The following SECTM1 variants were observed in gnomAD, a reference collection of about 807,000 sequenced individuals.
SECTM1 encodes secreted and transmembrane protein 1.
A neutral mutation model predicts 18.1 loss-of-function variants in SECTM1; 10 were observed. That is an observed-to-expected ratio of 0.55 (90% CI 0.34 to 0.94). The LOEUF (loss-of-function observed/expected upper bound fraction) is 0.94, where lower values mean the gene tolerates loss of function less well. SECTM1 is among the 40% of genes least tolerant of loss of function. SECTM1 has a pLI of 0.02. For missense variants in SECTM1, 297 were observed against 322.6 expected, an observed-to-expected ratio of 0.92 and a Z score of 0.61; for synonymous variants, 137 against 139.2, an observed-to-expected ratio of 0.98 and a Z score of 0.11.
At position 82,322,197 on chromosome 17, in the gene SECTM1, G is replaced by T. The variant is rs774758774; in HGVS notation, c.711C>A (p.Ser237=). 1 of 1,613,556 alleles carries T rather than the reference G, an allele frequency of 6.2e-7. No individual in the cohort carries two copies. The highest frequency in any genetic ancestry group is 1.3e-5 in the African/African-American group (1 of 75,018). ...PSPLGALELL[S]PQPLFPYAAD... ...CGGCATATGGAAACAAGGGTTGGGG[G>T]GACAGCAGCTCCAGGGCTCCAAGTG... Residue 237 remains serine (S), a synonymous_variant, in exon 5 of 5, where the codon TCC becomes TCA. Coordinates refer to ENST00000269389, the MANE Select transcript of SECTM1 (RefSeq NM_003004.3).
In SECTM1 at chr17:82,322,908, G is replaced by C; in HGVS notation, c.507C>G (p.Tyr169Ter). 6.2e-7 allele frequency: 1 copy of C among 1,613,874 alleles called. No individual in the cohort carries two copies. Among genetic ancestry groups the C allele is most frequent in the Non-Finnish European group, 8.5e-7 (1 of 1,179,986 alleles). The stretch of plus-strand genomic sequence containing the variant: ...GGCGTTGCTGGGAACAGCGGCACCT[G>C]TACCAGGCGAACATGACCAGAGCGA... ...LLVALVMFAW[Y>*]RCRCSQQRRE... Residue 169 changes from tyrosine (Y) to a stop codon, truncating the protein, a stop_gained, in exon 4 of 5, where the codon TAC (tyrosine) becomes TAG (stop). Coordinates refer to ENST00000269389, the MANE Select transcript of SECTM1 (RefSeq NM_003004.3). LOFTEE classifies it low-confidence loss of function (END_TRUNC).
At chr17:82,327,102 C>A (rs377469381) in intron 2 of SECTM1, 45 bp downstream of exon 2, 3 of 1,481,472 alleles carry the variant, frequency 2.0e-6, no homozygotes, top group South Asian at 2.4e-5. Flanking sequence ...ATGCCCCCAC[C>A]GGGCCCCCCT....
rs778753921 is a variant in SECTM1 at position 82,327,426 on chromosome 17, G to T, written c.-52-134C>A. The T allele has an allele frequency of 1.5e-3, 852 of 586,868 alleles. 7 individuals carry two copies. Among genetic ancestry groups the T allele is most frequent in the Non-Finnish European group, 1.9e-3 (618 of 325,936 alleles). 36.4% of individuals were successfully genotyped at this position (586,868 alleles called of 1,614,324 possible). A position where few individuals can be genotyped will look rare whatever the true frequency, so the allele number is the denominator to read the frequency against. ...TCCCCGACCTGCTCTGGATGCTGGAGCCCCTGCCCTCCTTCCCTTCCCTGT... is the reference window on the plus strand; with the variant it reads ...TCCCCGACCTGCTCTGGATGCTGGATCCCCTGCCCTCCTTCCCTTCCCTGT... On this transcript the variant is annotated intron_variant, in intron 1 of 4. Transcript: ENST00000269389.
In SECTM1 at chr17:82,324,779, C is replaced by T. The variant is rs760175466; in HGVS notation, c.206G>A (p.Arg69His). ...GATGGCGCTCTCCTGCCCGTGGGCA[C>T]GCAGCTTGATGTTGACATGGGAGAA... ...NAFSHVNIKL[R>H]AHGQESAIFN... The change falls in exon 3 of 5, where the codon CGT becomes CAT. Residue 69 changes from arginine (R) to histidine (H), a missense_variant. Coordinates refer to ENST00000269389, the MANE Select transcript of SECTM1 (RefSeq NM_003004.3). 1.4e-5 allele frequency: 22 copies of T among 1,614,034 alleles called. No individual in the cohort carries two copies. Among genetic ancestry groups the T allele is most frequent in the Non-Finnish European group, 7.6e-6 (9 of 1,180,040 alleles).
intron 3 of SECTM1, among the ~76,000 whole-genome samples, chr17:82,323,744 T>A (rs1241177530): frequency 6.6e-6 from 1 of 150,750 alleles, no homozygotes; most frequent in African/African-American, 2.4e-5. Flanking sequence ...GGGCCCTGAG[T>A]CGGGGGAGAA....
At chr17:82,322,674 G>C (rs1194524361) in intron 4 of SECTM1, among the ~76,000 whole-genome samples, 2 of 152,172 alleles carry the variant, frequency 1.3e-5, no homozygotes, top group Non-Finnish European at 2.9e-5. Flanking sequence ...GGAAGGGCAG[G>C]GCGGGTCTGG....
In SECTM1 at chr17:82,329,527, G is replaced by C. The variant is rs1022475884; in HGVS notation, c.-52-2235C>G. 3.3e-5 allele frequency: 5 copies of C among 152,644 alleles called. No individual in the cohort carries two copies. The highest frequency in any genetic ancestry group is 5.8e-5 in the Non-Finnish European group (4 of 68,428). 9.5% of individuals were successfully genotyped at this position (152,644 alleles called of 1,614,324 possible). A position where few individuals can be genotyped will look rare whatever the true frequency, so the allele number is the denominator to read the frequency against. On this transcript the variant is annotated intron_variant, in intron 1 of 4. Transcript: ENST00000269389. This position sits in a 1 kb window ranked among gnomAD's most constrained non-coding sequence, Gnocchi z 7.6. Reference sequence around the variant, plus strand: ...GTGCAAGGGGAGGGAACCCACACCTGAGACCTTTTGTGGCCCCTCACTAAC... The same window carrying C: ...GTGCAAGGGGAGGGAACCCACACCTCAGACCTTTTGTGGCCCCTCACTAAC...
At position 82,322,153 on chromosome 17, in the gene SECTM1, G is replaced by A; in HGVS notation, c.*8C>T. Reference sequence around the variant, plus strand: ...GGCTCTCCTGTGTCCTCTCTGCCTTGCAGGCGGCTATGGGTCTGCGGCATA... The same window carrying A: ...GGCTCTCCTGTGTCCTCTCTGCCTTACAGGCGGCTATGGGTCTGCGGCATA... On this transcript the variant is annotated 3_prime_UTR_variant, in exon 5 of 5. Transcript: ENST00000269389. The A allele has an allele frequency of 6.2e-7, 1 of 1,613,544 alleles. No individual in the cohort carries two copies. Among genetic ancestry groups the A allele is most frequent in the Non-Finnish European group, 8.5e-7 (1 of 1,179,654 alleles).
intron 3 of SECTM1, 90 bp from the exon 4 acceptor site, chr17:82,323,101 A>C: frequency 7.1e-7 from 1 of 1,401,752 alleles, no homozygotes; most frequent in African/African-American, 1.4e-5. Context: ...CTCCTCCTAC[A>C]CACTCCCTGG....
At position 82,329,634 on chromosome 17, in the gene SECTM1, C is replaced by T. The variant is rs565556859; in HGVS notation, c.-52-2342G>A. The stretch of plus-strand genomic sequence containing the variant: ...CGGGCCCCATCTCCCATCATACGTC[C>T]AGCATTCTAGATTAGCTGGAAGTCC... On this transcript the variant is annotated intron_variant, in intron 1 of 4. Coordinates refer to ENST00000269389, the MANE Select transcript of SECTM1 (RefSeq NM_003004.3). This position sits in a 1 kb window ranked among gnomAD's most constrained non-coding sequence, Gnocchi z 7.6. 1.4e-4 allele frequency among the ~76,000 whole-genome samples: 22 copies of T among 152,212 alleles called. No individual in the cohort carries two copies. Among genetic ancestry groups the T allele is most frequent in the African/African-American group, 5.3e-4 (22 of 41,524 alleles).
rs1037682961 is a variant in SECTM1 at position 82,330,977 on chromosome 17, G to A, written c.-53+2723C>T. ...TGGTGGCGGCCGCTGCTTCTCACACGCGGGTCCTCTCACTGCCTCTCCCCG... is the reference window on the plus strand; with the variant it reads ...TGGTGGCGGCCGCTGCTTCTCACACACGGGTCCTCTCACTGCCTCTCCCCG... On this transcript the variant is annotated intron_variant, in intron 1 of 4. Transcript: ENST00000269389. This position sits in a 1 kb window ranked among gnomAD's most constrained non-coding sequence, Gnocchi z 6.1. Among the ~76,000 whole-genome samples, 4 of 152,270 alleles carry A rather than the reference G, an allele frequency of 2.6e-5. No individual in the cohort carries two copies. The highest frequency in any genetic ancestry group is 1.9e-4 in the East Asian group (1 of 5,186).
intron 2 of SECTM1, 99 bp downstream of exon 2, chr17:82,327,048 G>C: frequency 1.1e-6 from 1 of 872,154 alleles, no homozygotes; most frequent in East Asian, 2.7e-5. Context: ...CGGGGGTCTG[G>C]TGGCACCTGG....
rs534417019 is a variant in SECTM1 at position 82,326,240 on chromosome 17, G to T, written c.94+907C>A. 6.6e-6 allele frequency among the ~76,000 whole-genome samples: 1 copy of T among 152,272 alleles called. No homozygotes were observed. The highest frequency in any genetic ancestry group is 2.1e-4 in the South Asian group (1 of 4,826). On this transcript the variant is annotated intron_variant, in intron 2 of 4. Transcript: ENST00000269389. The surrounding 1 kb of genome is among the most constrained non-coding windows in gnomAD (Gnocchi z 4.3). Reference sequence around the variant, plus strand: ...TTCAGTTTTGTTTTGTTTTTTGTTCGTTCTTAGGATTCTGACTGAACTGCT... The same window carrying T: ...TTCAGTTTTGTTTTGTTTTTTGTTCTTTCTTAGGATTCTGACTGAACTGCT...
chr17:82,327,321 G>T, intron 1 of SECTM1, 29 bp from the exon 2 acceptor site: 1 of 1,266,380 alleles, frequency 7.9e-7, no homozygotes, highest in Non-Finnish European at 1.1e-6. Context: ...ATGGGTCAGA[G>T]CCCCCTGCAG....
In SECTM1 at chr17:82,330,542, T is replaced by C. The variant is rs573925167; in HGVS notation, c.-53+3158A>G. ...GAGCCAGACCTCAGCAGCTGGGTCC[T>C]GGAGGCCCCCAAGGGCCAGCTGCAC... On this transcript the variant is annotated intron_variant, in intron 1 of 4. Transcript: ENST00000269389. This position sits in a 1 kb window ranked among gnomAD's most constrained non-coding sequence, Gnocchi z 6.1. 1.3e-5 allele frequency among the ~76,000 whole-genome samples: 2 copies of C among 152,282 alleles called. No homozygotes were observed. The highest frequency in any genetic ancestry group is 4.1e-4 in the South Asian group (2 of 4,824).
rs1236088222 is a variant in SECTM1, at chr17:82,329,877, C to T, written c.-52-2585G>A. ...CCCTCTCCTGGAGACCCTGTGATGG[C>T]ATCAAGGGCCCCCCTGGGTGACCCA... On this transcript the variant is annotated intron_variant, in intron 1 of 4. Coordinates refer to ENST00000269389, the MANE Select transcript of SECTM1 (RefSeq NM_003004.3). The surrounding 1 kb of genome is among the most constrained non-coding windows in gnomAD (Gnocchi z 7.6). Among the ~76,000 whole-genome samples the T allele has an allele frequency of 4.6e-5, 7 of 152,144 alleles. No homozygotes were observed. The highest frequency in any genetic ancestry group is 2.9e-5 in the Non-Finnish European group (2 of 67,998).
chr17:82,327,072 C>T, intron 2 of SECTM1, 75 bp downstream of exon 2: 1 of 1,189,942 alleles, frequency 8.4e-7, no homozygotes, highest in Non-Finnish European at 1.2e-6. Context: ...CAACCTCAGT[C>T]CACCCCTCCT....
chr17:82,326,052 G>T lies in SECTM1; in HGVS notation c.94+1095C>A, dbSNP rs2052142963. Among the ~76,000 whole-genome samples, 3 of 152,192 alleles carry T rather than the reference G, an allele frequency of 2.0e-5. No homozygotes were observed. In the South Asian group the frequency reaches 6.2e-4, roughly 31 times the overall value. ...CTGCCTGGACGCTCTGAGTGTTCAG[G>T]GACTGCAGGGCCTCTAAGGCCACTG... On this transcript the variant is annotated intron_variant, in intron 2 of 4. Transcript: ENST00000269389. The surrounding 1 kb of genome is among the most constrained non-coding windows in gnomAD (Gnocchi z 4.3).
In SECTM1 at chr17:82,329,633, C is replaced by T. The variant is rs546962263; in HGVS notation, c.-52-2341G>A. The stretch of plus-strand genomic sequence containing the variant: ...TCGGGCCCCATCTCCCATCATACGT[C>T]CAGCATTCTAGATTAGCTGGAAGTC... On this transcript the variant is annotated intron_variant, in intron 1 of 4. Coordinates refer to ENST00000269389, the MANE Select transcript of SECTM1 (RefSeq NM_003004.3). The surrounding 1 kb of genome is among the most constrained non-coding windows in gnomAD (Gnocchi z 7.6). 6.6e-6 allele frequency among the ~76,000 whole-genome samples: 1 copy of T among 152,172 alleles called. No homozygotes were observed. The highest frequency in any genetic ancestry group is 2.4e-5 in the African/African-American group (1 of 41,518).
Sources: allele counts gnomAD v4.1 joint callset (sites outside exome capture counted in the v4.1 genomes callset), GRCh38; gene constraint gnomAD v4.1.1; non-coding constraint Gnocchi (gnomAD v3.1); transcripts MANE v1.5; gene names NCBI Gene and HGNC (gene_info 2026-07-23, HGNC 2026-07-21).